The following HSPG2 variants were observed in gnomAD, a reference collection of about 807,000 sequenced individuals.
HSPG2 encodes the protein basement membrane-specific heparan sulfate proteoglycan core protein.
In HSPG2, 278 loss-of-function variants were observed where a neutral mutation model predicts 526.6. The ratio of observed to expected loss-of-function variants is 0.53; its 90% CI spans 0.48 to 0.58. The LOEUF (loss-of-function observed/expected upper bound fraction) is 0.58, where lower values mean the gene tolerates loss of function less well. Among genes scored for constraint, HSPG2 ranks in the 20% least tolerant of loss-of-function variants. The pLI, the probability that HSPG2 is intolerant of heterozygous loss-of-function variation, is 0.00. For synonymous variants in HSPG2, 2,465 were observed against 2,555.4 expected (o/e 0.96, Z 1.07); for missense variants, 5,354 against 6,099.5 (o/e 0.88, Z 4.07).
chr1:21,837,021 A>T lies in HSPG2; in HGVS notation c.10151-15T>A, dbSNP rs1363739088. On this transcript the variant is annotated splice_polypyrimidine_tract_variant and intron_variant, in intron 74 of 96. Transcript: ENST00000374695. ...GCCGGGAGGGCCTGCGGGGACATGT[A>T]TGAGGTTCTGCAGGTATATGTGTGT... is the stretch of plus-strand genomic sequence containing the variant. 5.2e-6 allele frequency: 8 copies of T among 1,544,338 alleles called. No homozygotes were observed. Among genetic ancestry groups the T allele is most frequent in the Non-Finnish European group, 7.0e-6 (8 of 1,146,722 alleles).
rs1252391159 is a variant in HSPG2, at chr1:21,829,046, G to A, written c.12026C>T (p.Ala4009Val). 4.5e-6 allele frequency: 7 copies of A among 1,547,792 alleles called. No homozygotes were observed. The Admixed American group carries it at 7.8e-5, about 17-fold the overall frequency. ...LAVLRSAEPL[A>V]LGRWHRVSAE... ...AGACACACGGTGCCAGCGGCCCAGGGCCAGCGGCTCGGCGCTCCGCAGAAC... is the reference window on the plus strand; with the variant it reads ...AGACACACGGTGCCAGCGGCCCAGGACCAGCGGCTCGGCGCTCCGCAGAAC... The change falls in exon 88 of 97, where the codon GCC becomes GTC. Residue 4009 changes from alanine (A) to valine (V), a missense_variant. Coordinates refer to ENST00000374695, the MANE Select transcript of HSPG2 (RefSeq NM_005529.7).
chr1:21,890,215 C>T lies in HSPG2; in HGVS notation c.414-74G>A. On this transcript the variant is annotated intron_variant, in intron 5 of 96. Transcript: ENST00000374695. The surrounding 1 kb of genome is among the most constrained non-coding windows in gnomAD (Gnocchi z 4.1). ...TCTCAGCTCCTCCATGAGGCTCCCG[C>T]CCCGACGCTCAGGCCCTGTTCCGGG... The T allele has an allele frequency of 6.4e-7, 1 of 1,567,532 alleles. No homozygotes were observed. Among genetic ancestry groups the T allele is most frequent in the African/African-American group, 1.3e-5 (1 of 74,244 alleles).
rs1639417682 is a variant in HSPG2, at chr1:21,857,325, G to A, written c.5354C>T (p.Pro1785Leu). The A allele has an allele frequency of 1.2e-6, 2 of 1,614,026 alleles. No homozygotes were observed. Among genetic ancestry groups the A allele is most frequent in the Non-Finnish European group, 1.7e-6 (2 of 1,179,998 alleles). ...VEEQRSQSVR[P>L]GADVTFICTA... ...GCAGATGAAGGTGACGTCAGCTCCG[G>A]GGCGCACGCTCTGGCTCCGCTGCTC... The change falls in exon 43 of 97, where the codon CCC becomes CTC. Residue 1785 changes from proline to leucine, a missense_variant. Coordinates refer to ENST00000374695, the MANE Select transcript of HSPG2 (RefSeq NM_005529.7).
rs1640742347 is a variant in HSPG2 at position 21,872,633 on chromosome 1, T to G, written c.4016A>C (p.Tyr1339Ser). ...ACAGGCTCTCACCAGGTGGCGTGTG[T>G]AGGCAGAGCTGGCGCACTGCTGGGT... ...GITQQCASSA[Y>S]TRHLISTHFA... Residue 1339 changes from tyrosine (Y) to serine (S), a missense_variant, in exon 32 of 97, where the codon TAC becomes TCC. Transcript: ENST00000374695. This position sits in a 1 kb window ranked among gnomAD's most constrained non-coding sequence, Gnocchi z 5.5. 6.3e-7 allele frequency: 1 copy of G among 1,590,042 alleles called. No homozygotes were observed. The highest frequency in any genetic ancestry group is 8.5e-7 in the Non-Finnish European group (1 of 1,169,946).
At chr1:21,926,116 C>A (rs988999740) in intron 1 of HSPG2, among the ~76,000 whole-genome samples, 17 of 152,194 alleles carry the variant, frequency 1.1e-4, no homozygotes, top group Admixed American at 7.9e-4. Context: ...AAGTGAGAAT[C>A]TGGCCCCCAA....
intron 1 of HSPG2, among the ~76,000 whole-genome samples, chr1:21,909,325 A>G (rs1453083592): frequency 6.6e-6 from 1 of 152,218 alleles, no homozygotes. Context: ...CAGGCAGGGC[A>G]GGCAGATGGA....
rs201562074 is a variant in HSPG2 at position 21,852,822 on chromosome 1, G to A, written c.6602C>T (p.Ser2201Leu). The A allele has an allele frequency of 1.6e-4, 263 of 1,612,288 alleles. 1 individual carries two copies. Among genetic ancestry groups the A allele is most frequent in the Non-Finnish European group, 2.0e-4 (239 of 1,179,742 alleles). ...GGTCACCTGGTGCAGCCGCAGCAGC[G>A]AGCCGTGGGTCTGTGTGCAAATGGG... ...SLPARHQTHG[S>L]LLRLHQVTPA... is the part of the protein sequence containing the mutation. Residue 2201 changes from serine (S) to leucine (L), a missense_variant, in exon 52 of 97, where the codon TCG becomes TTG. Coordinates refer to ENST00000374695, the MANE Select transcript of HSPG2 (RefSeq NM_005529.7).
intron 2 of HSPG2, 54 bp downstream of exon 2, chr1:21,896,121 A>T: frequency 6.2e-7 from 1 of 1,611,088 alleles, no homozygotes; most frequent in African/African-American, 1.3e-5. Flanking sequence ...CAGTGGGAAG[A>T]AGCACAGTCT....
At position 21,865,298 on chromosome 1, in the gene HSPG2, A is replaced by G; in HGVS notation, c.4382T>C (p.Ile1461Thr). 6.2e-7 allele frequency: 1 copy of G among 1,613,860 alleles called. No homozygotes were observed. The highest frequency in any genetic ancestry group is 8.5e-7 in the Non-Finnish European group (1 of 1,179,926). The change falls in exon 35 of 97, where the codon ATC becomes ACC. Residue 1461 changes from isoleucine (I) to threonine (T), a missense_variant. Physicochemically the swap from Ile to Thr is moderately conservative, Grantham distance 89 (BLOSUM62 -1). Transcript: ENST00000374695. This position sits in a 1 kb window ranked among gnomAD's most constrained non-coding sequence, Gnocchi z 5.4. ...GGTGCCCCTTACCTCTCGGAACATG[A>G]TCTCGTAGCTCCTCCTCTCAGGGCC... ...LQGPERRSYEIMFREEFWRRP... is the reference protein window; with the variant it reads ...LQGPERRSYETMFREEFWRRP...
Position 21,855,690 on chromosome 1 carries a change from T to G in HSPG2, c.5702-15A>C. On this transcript the variant is annotated splice_polypyrimidine_tract_variant and intron_variant, in intron 45 of 96. Transcript: ENST00000374695. ...GCCGGGGCCCCCTGACGAGTAGACG[T>G]GGGGTCAGCACCCACCAAGCCTGCT... 1.9e-6 allele frequency: 3 copies of G among 1,583,442 alleles called. No homozygotes were observed. Among genetic ancestry groups the G allele is most frequent in the Non-Finnish European group, 2.6e-6 (3 of 1,167,134 alleles).
chr1:21,936,310 C>G (rs1034601474), intron 1 of HSPG2, among the ~76,000 whole-genome samples: 3 of 152,206 alleles, frequency 2.0e-5, no homozygotes, highest in Non-Finnish European at 2.9e-5. Context: ...CCCTTTTCCT[C>G]CACCTAAGCT....
rs375396576 is a variant in HSPG2 at position 21,848,963 on chromosome 1, C to T, written c.7515G>A (p.Val2505=). The part of the protein sequence containing the change: ...PADSGEYVCR[V]VGSSGTQEAS... ...CTTCCTGGGTACCTGAGCTGCCGAC[C>T]ACACGGCACACGTACTCCCCTGAAT... Residue 2505 remains valine (V), a synonymous_variant, in exon 58 of 97, where the codon GTG becomes GTA. Transcript: ENST00000374695. This position sits in a 1 kb window ranked among gnomAD's most constrained non-coding sequence, Gnocchi z 4.9. 2 of 1,613,910 alleles carry T rather than the reference C, an allele frequency of 1.2e-6. No homozygotes were observed. Among genetic ancestry groups the T allele is most frequent in the Non-Finnish European group, 1.7e-6 (2 of 1,180,006 alleles).
chr1:21,842,163 G>C, intron 68 of HSPG2, 21 bp from the exon 69 acceptor site: 1 of 1,613,512 alleles, frequency 6.2e-7, no homozygotes, highest in East Asian at 2.2e-5. Flanking sequence ...AGGGGCAGAG[G>C]GCTGGGCTCA....
At chr1:21,832,753 T>C in intron 80 of HSPG2, 147 bp from the exon 81 acceptor site, 1 of 650,436 alleles carries the variant, frequency 1.5e-6, no homozygotes, top group Admixed American at 2.4e-5. Context: ...CAGGGCCTTC[T>C]CACTATCTCA....
chr1:21,841,241 T>C lies in HSPG2; in HGVS notation c.9373A>G (p.Lys3125Glu). ...SVLPEGPVWV[K>E]VGKAVTLECV... ...TCCAGGGTGACAGCCTTTCCCACTT[T>C]CACCCACACGGGGCCCTCGGGGAGC... The change falls in exon 71 of 97, where the codon AAA becomes GAA. Residue 3125 changes from lysine to glutamate, a missense_variant. Physicochemically the swap from Lys to Glu is moderately conservative, Grantham distance 56. Transcript: ENST00000374695. The C allele has an allele frequency of 6.2e-7, 1 of 1,613,844 alleles. No individual in the cohort carries two copies. Among genetic ancestry groups the C allele is most frequent in the Non-Finnish European group, 8.5e-7 (1 of 1,180,038 alleles).
In HSPG2 at chr1:21,847,460, C is replaced by CATTT; in HGVS notation, c.8054_8057dup (p.Met2686IlefsTer6). 6.2e-7 allele frequency: 1 copy of CATTT among 1,613,938 alleles called. No individual in the cohort carries two copies. Among genetic ancestry groups the CATTT allele is most frequent in the Non-Finnish European group, 8.5e-7 (1 of 1,180,036 alleles). On this transcript the variant is annotated frameshift_variant, in exon 62 of 97. Transcript: ENST00000374695. LOFTEE classifies it high-confidence loss of function. This position sits in a 1 kb window ranked among gnomAD's most constrained non-coding sequence, Gnocchi z 4.1. ...CATACTCGCCCGAGTCAGCCACAGA[C>CATTT]ATTTGGTGCAACCGCAGGTGGGAGC...
intron 33 of HSPG2, among the ~76,000 whole-genome samples, chr1:21,866,065 T>G (rs940211953): frequency 3.5e-4 from 54 of 152,252 alleles, no homozygotes; most frequent in African/African-American, 1.3e-3. Flanking sequence ...CTATTCCCCA[T>G]TGCCTGACGG....
rs535727453 is a variant in HSPG2, at chr1:21,849,078, G to A, written c.7447-47C>T. ...AGGCAGGCTCAGAGCTGGGCACTGC[G>A]GCTCACGCCAAGCTCCTGTTCCCTT... On this transcript the variant is annotated intron_variant, in intron 57 of 96. Transcript: ENST00000374695. The A allele has an allele frequency of 1.2e-5, 20 of 1,601,508 alleles. No individual in the cohort carries two copies. In the South Asian group the frequency reaches 1.5e-4, roughly 12 times the overall value.
chr1:21,850,150 G>A lies in HSPG2; in HGVS notation c.7337C>T (p.Ser2446Leu), dbSNP rs146950983. The A allele has an allele frequency of 8.1e-4, 1,304 of 1,613,428 alleles. 2 individuals carry two copies. The highest frequency in any genetic ancestry group is 1.0e-3 in the Non-Finnish European group (1,233 of 1,180,044). Residue 2446 changes from serine (S) to leucine (L), a missense_variant, in exon 57 of 97, where the codon TCG (serine) becomes TTG (leucine). Physicochemically the swap from Ser to Leu is moderately radical, Grantham distance 145 (BLOSUM62 -2). Transcript: ENST00000374695. Reference sequence around the variant, plus strand: ...CAGGGTCTGCCCCTCGGCCACTTGCGAAGACGATGACTCGATCCGGACCGT... The same window carrying A: ...CAGGGTCTGCCCCTCGGCCACTTGCAAAGACGATGACTCGATCCGGACCGT... ...TPTVRIESSS[S>L]QVAEGQTLDL...
Sources: gnomAD v4.1 joint callset for allele counts (sites outside exome capture counted in the v4.1 genomes callset) on GRCh38, gnomAD v4.1.1 for gene constraint, Gnocchi (gnomAD v3.1) non-coding constraint, MANE v1.5 for transcripts, NCBI Gene and HGNC (gene_info 2026-07-23, HGNC 2026-07-21) for gene names.